CUL2: variants seen among roughly 807,000 people sequenced by gnomAD.
CUL2 encodes cullin-2.
In CUL2, 22 loss-of-function variants were observed where a neutral mutation model predicts 110.2. The observed-to-expected ratio is 0.20, with a 90% confidence interval of 0.14 to 0.28. The LOEUF (loss-of-function observed/expected upper bound fraction) is 0.28. CUL2 is among the 10% of genes least tolerant of loss of function. The probability of loss-of-function intolerance (pLI) is 1.00; values close to 1 mark genes in which losing one functional copy is unlikely to be tolerated. For missense variants in CUL2, 631 were observed against 905.5 expected (o/e 0.70, Z 3.89); for synonymous variants, 279 against 293.2 (o/e 0.95, Z 0.49).
chr10:35,114,485 C>T lies in CUL2; in HGVS notation c.-51+12120G>A, dbSNP rs374890018. ...GCAACTTCTGCCTCCCAGGTTCCAG[C>T]GATTCTCCTGCCTCAGCCTCCCGAG... On this transcript the variant is annotated intron_variant, in intron 1 of 5. Coordinates refer to the CUL2 transcript ENST00000685421. Among the ~76,000 whole-genome samples the T allele has an allele frequency of 1.1e-4, 16 of 151,832 alleles. No homozygotes were observed. In the East Asian group the frequency reaches 1.4e-3, roughly 13 times the overall value.
In CUL2 at chr10:35,074,219, CTG is replaced by C. The variant is rs758791361; in HGVS notation, c.-22-2882_-22-2881del. On this transcript the variant is annotated intron_variant, in intron 1 of 20. Coordinates refer to ENST00000374749, the MANE Select transcript of CUL2 (RefSeq NM_003591.4). ...AAGCCAAAAAGTTGACCATGTTACT[CTG>C]TACATAAAGTACAAAGTTTGTTGTT... The C allele has an allele frequency of 2.6e-6, 4 of 1,535,070 alleles. No individual in the cohort carries two copies. In the South Asian group the frequency reaches 4.8e-5, roughly 18 times the overall value.
chr10:35,025,124 C>T lies in CUL2; in HGVS notation c.1684+8G>A, dbSNP rs1490258016. 1.3e-6 allele frequency: 2 copies of T among 1,504,664 alleles called. No individual in the cohort carries two copies. Among genetic ancestry groups the T allele is most frequent in the Non-Finnish European group, 1.8e-6 (2 of 1,130,568 alleles). 93.2% of individuals were successfully genotyped at this position (1,504,664 alleles called of 1,614,324 possible). On this transcript the variant is annotated splice_region_variant and intron_variant, in intron 17 of 20. Coordinates refer to ENST00000374749, the MANE Select transcript of CUL2 (RefSeq NM_003591.4). ...TCATTAAGCCAGATATAATTAAATG[C>T]ATTTTACCTGTACACAGATAATGTA...
chr10:35,109,683 G>A (rs747206993), intron 1 of CUL2, among the ~76,000 whole-genome samples: 2 of 152,222 alleles, frequency 1.3e-5, no homozygotes, highest in Non-Finnish European at 2.9e-5. Flanking sequence ...AAGCCTGAAG[G>A]ATGGATGAGT....
intron 2 of CUL2, among the ~76,000 whole-genome samples, chr10:35,066,693 G>A (rs974280663): frequency 3.9e-5 from 6 of 152,208 alleles, no homozygotes; most frequent in African/African-American, 9.7e-5. Context: ...TAATTAAATC[G>A]AAAATTTTCA....
Position 35,031,400 on chromosome 10 carries a change from T to G in CUL2, c.1300-14A>C. The G allele has an allele frequency of 6.3e-7, 1 of 1,599,108 alleles. No homozygotes were observed. The highest frequency in any genetic ancestry group is 8.5e-7 in the Non-Finnish European group (1 of 1,171,604). ...TCTTGCGTAGAACTACATTTAAAAA[T>G]ATTTTAAAAGATTACTTCCTTTCTA... On this transcript the variant is annotated splice_polypyrimidine_tract_variant and intron_variant, in intron 13 of 20. Transcript: ENST00000374749. The surrounding 1 kb of genome is among the most constrained non-coding windows in gnomAD (Gnocchi z 4.4).
chr10:35,121,210 C>G (rs1236574074), intron 1 of CUL2, among the ~76,000 whole-genome samples: 1 of 151,996 alleles, frequency 6.6e-6, no homozygotes, highest in Non-Finnish European at 1.5e-5. Context: ...TATATTCTGG[C>G]CGGAAGATAG....
intron 1 of CUL2, among the ~76,000 whole-genome samples, chr10:35,085,850 G>A (rs1437742627): frequency 6.6e-6 from 1 of 152,044 alleles, no homozygotes; most frequent in Non-Finnish European, 1.5e-5. Context: ...AAAAGAAACA[G>A]CTTTTTACAG....
Position 35,033,214 on chromosome 10 carries a change from G to T in CUL2, c.1062C>A (p.Ile354=). The change falls in exon 11 of 21, where the codon ATC becomes ATA. Residue 354 remains isoleucine (I), a synonymous_variant. Transcript: ENST00000374749. ...LEVHGKFVQL[I]NTVLNGDQHF... Reference sequence around the variant, plus strand: ...GCTGATCACCATTCAAAACAGTGTTGATAAGCTGAACAAATTTACCATGCA... The same window carrying T: ...GCTGATCACCATTCAAAACAGTGTTTATAAGCTGAACAAATTTACCATGCA... 6.2e-7 allele frequency: 1 copy of T among 1,613,648 alleles called. No homozygotes were observed. Among genetic ancestry groups the T allele is most frequent in the Non-Finnish European group, 8.5e-7 (1 of 1,179,876 alleles).
At chr10:35,104,166 G>C (rs1204609787) in intron 1 of CUL2, among the ~76,000 whole-genome samples, 2 of 152,214 alleles carry the variant, frequency 1.3e-5, no homozygotes, top group Admixed American at 1.3e-4. Context: ...GACACCAGAG[G>C]CTGGGCGTAG....
At chr10:35,067,149 A>G (rs1407992778) in intron 2 of CUL2, among the ~76,000 whole-genome samples, 1 of 151,778 alleles carries the variant, frequency 6.6e-6, no homozygotes, top group East Asian at 1.9e-4. Flanking sequence ...CAAAAAAAAA[A>G]AAAAAAAAAG....
At chr10:35,079,418 G>C (rs779821352) in intron 1 of CUL2, among the ~76,000 whole-genome samples, 1 of 152,144 alleles carries the variant, frequency 6.6e-6, no homozygotes, top group African/African-American at 2.4e-5. Context: ...GGTGTCATTC[G>C]TCTCTGGGGA....
intron 1 of CUL2, among the ~76,000 whole-genome samples, chr10:35,076,274 A>G (rs1163731263): frequency 2.0e-5 from 3 of 152,088 alleles, no homozygotes; most frequent in Admixed American, 6.6e-5. Flanking sequence ...ACTTGGGGGG[A>G]AAATGGGAAA....
chr10:35,056,129 T>G (rs1256351531), intron 4 of CUL2, among the ~76,000 whole-genome samples: 1 of 152,248 alleles, frequency 6.6e-6, no homozygotes, highest in Admixed American at 6.5e-5. Context: ...TGCATTCATC[T>G]TCTCTCTAGA....
At chr10:35,022,007 C>T (rs2085214087) in intron 17 of CUL2, among the ~76,000 whole-genome samples, 1 of 152,120 alleles carries the variant, frequency 6.6e-6, no homozygotes, top group Non-Finnish European at 1.5e-5. Context: ...ACCTGACTGC[C>T]ACCACCATTC....
At chr10:35,056,256 C>A (rs2086238243) in intron 4 of CUL2, among the ~76,000 whole-genome samples, 1 of 152,126 alleles carries the variant, frequency 6.6e-6, no homozygotes, top group African/African-American at 2.4e-5. Flanking sequence ...ACATTCCAGA[C>A]AGCAAGGATA....
At chr10:35,067,071 G>A (rs947208656) in intron 2 of CUL2, among the ~76,000 whole-genome samples, 12 of 151,162 alleles carry the variant, frequency 7.9e-5, no homozygotes, top group Middle Eastern at 3.4e-3. Context: ...ATTGCCTCCC[G>A]GAGGTTGGAG....
chr10:35,046,511 C>T (rs1349333296), intron 6 of CUL2, among the ~76,000 whole-genome samples: 3 of 152,166 alleles, frequency 2.0e-5, no homozygotes, highest in Non-Finnish European at 4.4e-5. Flanking sequence ...GTAGGCCTCT[C>T]TAGTTTAAGT....
chr10:35,112,435 G>A (rs1447147980), intron 1 of CUL2, among the ~76,000 whole-genome samples: 8 of 152,200 alleles, frequency 5.3e-5, no homozygotes, highest in Non-Finnish European at 1.0e-4. Flanking sequence ...AGGCTCCAGT[G>A]CAGGTAAAGG....
At chr10:35,121,560 C>T (rs1254466672) in intron 1 of CUL2, among the ~76,000 whole-genome samples, 2 of 152,202 alleles carry the variant, frequency 1.3e-5, no homozygotes, top group African/African-American at 2.4e-5. Context: ...CTGAGAGAGG[C>T]GCTAAGGCCA....
Sources: gnomAD v4.1 joint callset for allele counts (sites outside exome capture counted in the v4.1 genomes callset) on GRCh38, gnomAD v4.1.1 for gene constraint, Gnocchi (gnomAD v3.1) non-coding constraint, MANE v1.5 for transcripts, NCBI Gene and HGNC (gene_info 2026-07-23, HGNC 2026-07-21) for gene names.